SIPA1L2: variants seen among roughly 807,000 people sequenced by gnomAD.
SIPA1L2 encodes the protein signal induced proliferation associated 1 like 2.
A neutral mutation model predicts 163.9 loss-of-function variants in SIPA1L2; 56 were observed. The observed-to-expected ratio is 0.34, with a 90% CI of 0.28 to 0.43. The LOEUF (loss-of-function observed/expected upper bound fraction) is 0.43. Ranked by LOEUF, SIPA1L2 falls within the 20% of genes least tolerant of loss-of-function variation. The pLI, the probability that SIPA1L2 is intolerant of heterozygous loss-of-function variation, is 1.00. For missense variants in SIPA1L2, 1,974 were observed against 2,193.5 expected (o/e 0.90, Z 2.00); for synonymous variants, 877 against 865.7 (o/e 1.01, Z -0.23).
Position 232,626,645 on chromosome 1 carries a change from A to G in SIPA1L2, c.-319+3224T>C, listed in dbSNP as rs1050808108. On this transcript the variant is annotated intron_variant, in intron 1 of 22. Coordinates refer to ENST00000674635, the MANE Select transcript of SIPA1L2 (RefSeq NM_020808.5). ...AGCTACATGCAACTGGAACACAAAAAGCAATTTCTGAATCATTGATTTCAA... is the reference window on the plus strand; with the variant it reads ...AGCTACATGCAACTGGAACACAAAAGGCAATTTCTGAATCATTGATTTCAA... 2.6e-5 allele frequency among the ~76,000 whole-genome samples: 4 copies of G among 152,358 alleles called. No homozygotes were observed. The East Asian group carries it at 7.7e-4, about 29-fold the overall frequency.
chr1:232,597,550 C>T (rs1661333530), intron 1 of SIPA1L2, among the ~76,000 whole-genome samples: 2 of 150,518 alleles, frequency 1.3e-5, no homozygotes, highest in African/African-American at 4.9e-5. Context: ...ATTAGCCGGG[C>T]GTGATGGCGG....
At chr1:232,460,830 C>A in intron 10 of SIPA1L2, 57 bp downstream of exon 10, 1 of 1,571,690 alleles carries the variant, frequency 6.4e-7, no homozygotes, top group South Asian at 1.2e-5. Context: ...CTGAGGACAG[C>A]CACCTGCTAC....
At chr1:232,604,833 G>T (rs1661808273) in intron 1 of SIPA1L2, among the ~76,000 whole-genome samples, 3 of 152,068 alleles carry the variant, frequency 2.0e-5, no homozygotes, top group Non-Finnish European at 4.4e-5. Flanking sequence ...CTCCTGTGTG[G>T]GCCATATAAG....
At chr1:232,450,921 A>G (rs750730617) in intron 10 of SIPA1L2, among the ~76,000 whole-genome samples, 2 of 152,208 alleles carry the variant, frequency 1.3e-5, no homozygotes, top group African/African-American at 2.4e-5. Flanking sequence ...GGGTGGAATT[A>G]TTTTATCTCC....
chr1:232,514,221 C>A lies in SIPA1L2; in HGVS notation c.1119G>T (p.Gln373His). The A allele has an allele frequency of 6.2e-7, 1 of 1,614,218 alleles. No individual in the cohort carries two copies. Among genetic ancestry groups the A allele is most frequent in the Middle Eastern group, 1.6e-4 (1 of 6,062 alleles). Residue 373 changes from glutamine (Q) to histidine (H), a missense_variant, in exon 3 of 23, where the codon CAG becomes CAT. By Grantham distance (24) the Gln-to-His change is conservative. Coordinates refer to ENST00000674635, the MANE Select transcript of SIPA1L2 (RefSeq NM_020808.5). ...CTAAAGGGGACTCACAGTTGCCTGTCTGGCCCGTAGGCATCTGAGTCTGGG... is the reference window on the plus strand; with the variant it reads ...CTAAAGGGGACTCACAGTTGCCTGTATGGCCCGTAGGCATCTGAGTCTGGG... ...AASQTQMPTG[Q>H]TGNCESPLGS...
intron 22 of SIPA1L2, among the ~76,000 whole-genome samples, chr1:232,402,074 A>G (rs1405229585): frequency 4.6e-5 from 7 of 152,214 alleles, no homozygotes; most frequent in African/African-American, 7.2e-5. Flanking sequence ...CATCTCATAC[A>G]GAGTTGGCGC....
chr1:232,512,741 A>G (rs1667036390), intron 3 of SIPA1L2, among the ~76,000 whole-genome samples: 1 of 152,240 alleles, frequency 6.6e-6, no homozygotes, highest in African/African-American at 2.4e-5. Flanking sequence ...AAACCACCAT[A>G]GCACAAGTAT....
chr1:232,505,334 C>CTT (rs1666678570), intron 3 of SIPA1L2, among the ~76,000 whole-genome samples: 1 of 152,218 alleles, frequency 6.6e-6, no homozygotes, highest in Admixed American at 6.5e-5. Context: ...TTTCTACATT[C>CTT]TTTAAGAACT....
At chr1:232,570,107 C>T (rs1054532288) in intron 2 of SIPA1L2, among the ~76,000 whole-genome samples, 4 of 152,352 alleles carry the variant, frequency 2.6e-5, no homozygotes, top group East Asian at 3.9e-4. Context: ...GAAACACAGA[C>T]CGCTGTAACA....
intron 18 of SIPA1L2, among the ~76,000 whole-genome samples, chr1:232,419,058 C>G (rs1661421205): frequency 1.3e-5 from 2 of 152,240 alleles, no homozygotes; most frequent in South Asian, 4.2e-4. Context: ...CTGCAGAAAG[C>G]AAAACAGGGT....
At chr1:232,460,749 A>G (rs1037891695) in intron 10 of SIPA1L2, 138 bp downstream of exon 10, 1 of 1,048,982 alleles carries the variant, frequency 9.5e-7, no homozygotes, top group East Asian at 2.7e-5. Flanking sequence ...AACATTGTAC[A>G]AATGAGTGAC....
At chr1:232,416,373 T>TAAGG (rs1409836840) in intron 18 of SIPA1L2, among the ~76,000 whole-genome samples, 1 of 152,226 alleles carries the variant, frequency 6.6e-6, no homozygotes, top group Non-Finnish European at 1.5e-5. Flanking sequence ...GGCCAGCATG[T>TAAGG]AAGGGCAGGG....
chr1:232,483,948 T>G lies in SIPA1L2; in HGVS notation c.1825A>C (p.Ile609Leu). ...CCTGCTTTGCAATAAAGGATCCCGATCTTGTGCTGAAAGCTCAGCTGAAAT... is the reference window on the plus strand; with the variant it reads ...CCTGCTTTGCAATAAAGGATCCCGAGCTTGTGCTGAAAGCTCAGCTGAAAT... ...DEQGLSFQHK[I>L]GILYCKAGQS... Residue 609 changes from isoleucine to leucine, a missense_variant, in exon 6 of 23, where the codon ATC becomes CTC. Ile to Leu is a conservative substitution (Grantham distance 5). This residue lies in a region of SIPA1L2 where 288 missense variants were observed against 418.9 expected (regional missense o/e 0.69). Transcript: ENST00000674635. 6.2e-7 allele frequency: 1 copy of G among 1,611,086 alleles called. No homozygotes were observed. Among genetic ancestry groups the G allele is most frequent in the Non-Finnish European group, 8.5e-7 (1 of 1,179,184 alleles).
At chr1:232,434,302 C>T (rs12032092) in intron 15 of SIPA1L2, among the ~76,000 whole-genome samples, 41,027 of 152,038 alleles carry the variant, frequency 0.27, 5,914 homozygotes, top group East Asian at 0.48. Context: ...ACAAAATAAA[C>T]GGACCCATTT....
chr1:232,624,610 T>C (rs972389486), intron 1 of SIPA1L2, among the ~76,000 whole-genome samples: 1 of 152,236 alleles, frequency 6.6e-6, no homozygotes, highest in Non-Finnish European at 1.5e-5. Context: ...TATTTTTACT[T>C]AAGAGTTTGA....
chr1:232,531,949 C>G (rs1466112144), intron 2 of SIPA1L2, among the ~76,000 whole-genome samples: 1 of 152,130 alleles, frequency 6.6e-6, no homozygotes, highest in Non-Finnish European at 1.5e-5. Context: ...AGCAAGCACA[C>G]AGGTTAGAAA....
chr1:232,413,073 C>A (rs1402137283), intron 19 of SIPA1L2, among the ~76,000 whole-genome samples: 1 of 152,186 alleles, frequency 6.6e-6, no homozygotes, highest in Non-Finnish European at 1.5e-5. Flanking sequence ...ACTCTTACTT[C>A]AGCTTAGAAA....
intron 1 of SIPA1L2, among the ~76,000 whole-genome samples, chr1:232,604,154 A>G (rs563656168): frequency 1.9e-4 from 28 of 151,308 alleles, no homozygotes; most frequent in Middle Eastern, 3.4e-3. Flanking sequence ...GTGGTAAAGC[A>G]TAAGGGAACT....
rs1572980750 is a variant in SIPA1L2 at position 232,493,797 on chromosome 1, T to C, written c.1484-137A>G. The C allele has an allele frequency of 1.5e-5, 17 of 1,135,528 alleles. No homozygotes were observed. In the East Asian group the frequency reaches 4.2e-4, roughly 28 times the overall value. The allele number at this position is 1,135,528 out of a possible 1,614,324, so 70.3% of individuals were successfully genotyped here. A position where few individuals can be genotyped will look rare whatever the true frequency, so the allele number is the denominator to read the frequency against. The stretch of plus-strand genomic sequence containing the variant: ...ACACAGTGATTTCCTTGTATCTGTT[T>C]CATCAAGTCTTCTGGTTTCCAGTTC... On this transcript the variant is annotated intron_variant, in intron 3 of 22. Coordinates refer to ENST00000674635, the MANE Select transcript of SIPA1L2 (RefSeq NM_020808.5).
Sources: allele counts gnomAD v4.1 joint callset (sites outside exome capture counted in the v4.1 genomes callset), GRCh38; gene constraint gnomAD v4.1.1; regional missense constraint gnomAD v4.1.1; transcripts MANE v1.5; gene names NCBI Gene and HGNC (gene_info 2026-07-23, HGNC 2026-07-21).